The following PCBP3 variants were observed in gnomAD, a reference collection of about 807,000 sequenced individuals.
PCBP3 encodes the protein poly(rC)-binding protein 3.
In PCBP3, 25 loss-of-function variants were observed where a neutral mutation model predicts 52.7. The ratio of observed to expected loss-of-function variants is 0.47; its 90% CI spans 0.35 to 0.66. The LOEUF is 0.66. PCBP3 is among the 30% of genes least tolerant of loss of function. The probability of loss-of-function intolerance (pLI) is 0.01; values close to 1 mark genes in which losing one functional copy is unlikely to be tolerated. For missense variants in PCBP3, 391 were observed against 490.3 expected, an observed-to-expected ratio of 0.80 and a Z score of 1.91; for synonymous variants, 162 against 183.0, an observed-to-expected ratio of 0.89 and a Z score of 0.93.
intron 5 of PCBP3, among the ~76,000 whole-genome samples, chr21:45,865,852 A>G (rs2094701596): frequency 6.6e-6 from 1 of 152,206 alleles, no homozygotes; most frequent in Non-Finnish European, 1.5e-5. Context: ...AGGCGGGCTC[A>G]GGGTGTGCAC....
intron 4 of PCBP3, among the ~76,000 whole-genome samples, chr21:45,843,726 T>C (rs1381793179): frequency 6.6e-6 from 1 of 152,232 alleles, no homozygotes; most frequent in Non-Finnish European, 1.5e-5. Context: ...GTAGGAGATA[T>C]GTTCTGTGGA....
At chr21:45,691,105 A>G (rs530602778) in intron 2 of PCBP3, among the ~76,000 whole-genome samples, 2 of 152,254 alleles carry the variant, frequency 1.3e-5, no homozygotes, top group East Asian at 3.9e-4. Context: ...GTTAAAAGCT[A>G]GGAACAATTA....
chr21:45,707,229 A>T (rs2148072477), intron 2 of PCBP3, among the ~76,000 whole-genome samples: 1 of 152,270 alleles, frequency 6.6e-6, no homozygotes, highest in South Asian at 2.1e-4. Flanking sequence ...TAAAATGCAG[A>T]TTCTGGCTGG....
In PCBP3 at chr21:45,704,071, C is replaced by G. The variant is rs1455522426; in HGVS notation, c.-199-31321C>G. On this transcript the variant is annotated intron_variant, in intron 2 of 17. Coordinates refer to ENST00000681687, the MANE Select transcript of PCBP3 (RefSeq NM_001384156.1). This position sits in a 1 kb window ranked among gnomAD's most constrained non-coding sequence, Gnocchi z 4.1. Reference sequence around the variant, plus strand: ...CGAGGATCCAGGATGGAGGCTGGCCCTCTGGCTGATGTCAAGAGGTCAGAA... The same window carrying G: ...CGAGGATCCAGGATGGAGGCTGGCCGTCTGGCTGATGTCAAGAGGTCAGAA... Among the ~76,000 whole-genome samples, 1 of 152,138 alleles carries G rather than the reference C, an allele frequency of 6.6e-6. No homozygotes were observed. The highest frequency in any genetic ancestry group is 1.5e-5 in the Non-Finnish European group (1 of 68,036).
intron 4 of PCBP3, among the ~76,000 whole-genome samples, chr21:45,786,842 T>C (rs2091200568): frequency 6.6e-6 from 1 of 152,222 alleles, no homozygotes; most frequent in South Asian, 2.1e-4. Flanking sequence ...ATTAAAATGC[T>C]GTAAATAGCA....
chr21:45,844,059 C>T (rs754092715), intron 4 of PCBP3, among the ~76,000 whole-genome samples: 6 of 151,968 alleles, frequency 3.9e-5, no homozygotes, highest in African/African-American at 1.2e-4. Flanking sequence ...CATTAATGCT[C>T]GTCTCTCTCC....
rs2084885623 is a variant in PCBP3, at chr21:45,724,481, G to A, written c.-199-10911G>A. On this transcript the variant is annotated intron_variant, in intron 2 of 17. Transcript: ENST00000681687. The surrounding 1 kb of genome is among the most constrained non-coding windows in gnomAD (Gnocchi z 5.3). ...CAGAAGCCAACACTGCATGTTGGAA[G>A]GAGTCCCAGCCCTGCCCCTGCCAAG... Among the ~76,000 whole-genome samples, 1 of 152,190 alleles carries A rather than the reference G, an allele frequency of 6.6e-6. No homozygotes were observed. Among genetic ancestry groups the A allele is most frequent in the African/African-American group, 2.4e-5 (1 of 41,450 alleles).
intron 2 of PCBP3, among the ~76,000 whole-genome samples, chr21:45,727,205 CA>C (rs1432157721): frequency 6.6e-6 from 1 of 152,170 alleles, no homozygotes; most frequent in Non-Finnish European, 1.5e-5. Flanking sequence ...ATATTGGATG[CA>C]AAGAAAATGT....
chr21:45,714,760 A>G (rs1052711513), intron 2 of PCBP3, among the ~76,000 whole-genome samples: 1 of 152,204 alleles, frequency 6.6e-6, no homozygotes, highest in Non-Finnish European at 1.5e-5. Context: ...GTTAATATGT[A>G]CTGGTGAGAT....
chr21:45,820,202 G>T (rs1361680654), intron 4 of PCBP3, among the ~76,000 whole-genome samples: 1 of 152,234 alleles, frequency 6.6e-6, no homozygotes, highest in Admixed American at 6.5e-5. Flanking sequence ...CGGCTGTCAG[G>T]TGTTTTTGGT....
chr21:45,891,182 G>A (rs1346821525), intron 5 of PCBP3, among the ~76,000 whole-genome samples: 1 of 140,958 alleles, frequency 7.1e-6, no homozygotes, highest in African/African-American at 2.5e-5. Context: ...CCGCCGTGCC[G>A]CAGTCTTGAA....
intron 3 of PCBP3, among the ~76,000 whole-genome samples, chr21:45,743,753 G>A (rs1368903081): frequency 3.9e-5 from 6 of 152,114 alleles, no homozygotes; most frequent in African/African-American, 1.4e-4. Context: ...GGGTGATAGT[G>A]CTCTATAAGG....
At chr21:45,939,837 G>A (rs572910814) in intron 16 of PCBP3, among the ~76,000 whole-genome samples, 193 bp from the exon 17 acceptor site, 20 of 152,256 alleles carry the variant, frequency 1.3e-4, no homozygotes. Context: ...GCCTGACCTC[G>A]GGCAGGTGGC....
At chr21:45,759,315 A>C (rs956607189) in intron 4 of PCBP3, among the ~76,000 whole-genome samples, 1 of 152,112 alleles carries the variant, frequency 6.6e-6, no homozygotes, top group Non-Finnish European at 1.5e-5. Flanking sequence ...TTGTTGTTGG[A>C]GAGTTTTTAA....
chr21:45,702,230 G>A (rs1393252249), intron 2 of PCBP3, among the ~76,000 whole-genome samples: 1 of 152,142 alleles, frequency 6.6e-6, no homozygotes, highest in African/African-American at 2.4e-5. Context: ...TGTCAGTCTT[G>A]CCCTGCAAAC....
At chr21:45,927,961 A>G (rs946548279) in intron 13 of PCBP3, among the ~76,000 whole-genome samples, 14 of 152,150 alleles carry the variant, frequency 9.2e-5, no homozygotes, top group African/African-American at 3.1e-4. Flanking sequence ...TGCGGATCCC[A>G]TCTGTGCCAT....
intron 9 of PCBP3, chr21:45,901,518 G>T: frequency 3.8e-6 from 1 of 260,488 alleles, no homozygotes; most frequent in Non-Finnish European, 7.7e-6. Context: ...GCCCTGGCTG[G>T]CACAGCCCTG....
At chr21:45,894,188 C>G (rs890036894) in intron 5 of PCBP3, among the ~76,000 whole-genome samples, 1 of 152,142 alleles carries the variant, frequency 6.6e-6, no homozygotes, top group Non-Finnish European at 1.5e-5. Flanking sequence ...CTCATGCTGC[C>G]CTTGCAATGA....
chr21:45,707,554 G>T (rs1174665274), intron 2 of PCBP3, among the ~76,000 whole-genome samples: 1 of 152,060 alleles, frequency 6.6e-6, no homozygotes, highest in East Asian at 1.9e-4. Context: ...TAAATAAAAT[G>T]TAGTTTCTGA....
Sources: gnomAD v4.1 joint callset for allele counts (sites outside exome capture counted in the v4.1 genomes callset) on GRCh38, gnomAD v4.1.1 for gene constraint, Gnocchi (gnomAD v3.1) non-coding constraint, MANE v1.5 for transcripts, NCBI Gene and HGNC (gene_info 2026-07-23, HGNC 2026-07-21) for gene names.